TMEM182: variants seen among roughly 807,000 people sequenced by gnomAD.
The protein encoded by TMEM182 is transmembrane protein 182.
In TMEM182, 20 loss-of-function variants were observed where a neutral mutation model predicts 26.8. The ratio of observed to expected loss-of-function variants is 0.75; its 90% confidence interval spans 0.53 to 1.09. The LOEUF is 1.09. Among genes scored for constraint, TMEM182 ranks in the 50% least tolerant of loss-of-function variants. TMEM182 has a pLI of 0.00. For synonymous variants in TMEM182, 109 were observed against 102.2 expected (o/e 1.07, Z -0.40); for missense variants, 277 against 275.5 (o/e 1.01, Z -0.04).
intron 3 of TMEM182, among the ~76,000 whole-genome samples, chr2:102,830,272 C>G (rs1353223834): frequency 6.6e-6 from 1 of 152,218 alleles, no homozygotes. Flanking sequence ...AATTACTATG[C>G]TTTCTCTATG....
At chr2:102,771,599 CTT>C (rs1680677871) in intron 3 of TMEM182, among the ~76,000 whole-genome samples, 1 of 152,178 alleles carries the variant, frequency 6.6e-6, no homozygotes, top group South Asian at 2.1e-4. Flanking sequence ...GAGGCAATCG[CTT>C]TCTGAAAACA....
Position 102,827,095 on chromosome 2 carries a change from G to A in TMEM182, c.326-16317G>A, listed in dbSNP as rs111970569. On this transcript the variant is annotated intron_variant, in intron 3 of 3. Coordinates refer to the TMEM182 transcript ENST00000486293. ...CACAGCACGTAGCATGCTGCCAGCC[G>A]CCACATGGCTATTTGGCAGCTATTT... Among the ~76,000 whole-genome samples, 342 of 152,280 alleles carry A rather than the reference G, an allele frequency of 2.2e-3. 3 individuals are homozygous for A. The highest frequency in any genetic ancestry group is 3.3e-3 in the Non-Finnish European group (225 of 68,028).
intron 1 of TMEM182, among the ~76,000 whole-genome samples, chr2:102,752,972 T>C (rs758757994): frequency 1.6e-4 from 24 of 152,250 alleles, no homozygotes; most frequent in Non-Finnish European, 3.5e-4. Flanking sequence ...TTATTTTAAC[T>C]CTAAACGAAT....
chr2:102,825,783 T>A (rs1683019936), intron 3 of TMEM182, among the ~76,000 whole-genome samples: 1 of 152,188 alleles, frequency 6.6e-6, no homozygotes, highest in Admixed American at 6.5e-5. Context: ...CTTCTCTTAC[T>A]TTGTCTGGTG....
At chr2:102,779,685 T>C (rs1036883717) in intron 3 of TMEM182, among the ~76,000 whole-genome samples, 1 of 151,536 alleles carries the variant, frequency 6.6e-6, no homozygotes, top group African/African-American at 2.5e-5. Flanking sequence ...TCTTCATACT[T>C]TCTATTTTTT....
chr2:102,830,697 T>C (rs1347144187), intron 3 of TMEM182, among the ~76,000 whole-genome samples: 1 of 152,222 alleles, frequency 6.6e-6, no homozygotes, highest in Admixed American at 6.5e-5. Flanking sequence ...GTACAAATAA[T>C]CCAGTTACAC....
At chr2:102,754,785 G>T (rs1679983847) in intron 1 of TMEM182, among the ~76,000 whole-genome samples, 1 of 152,104 alleles carries the variant, frequency 6.6e-6, no homozygotes, top group Admixed American at 6.5e-5. Flanking sequence ...AGAATGTTTT[G>T]CTTATGATCA....
intron 1 of TMEM182, among the ~76,000 whole-genome samples, chr2:102,748,681 G>A (rs779260491): frequency 2.0e-5 from 3 of 152,192 alleles, no homozygotes; most frequent in Non-Finnish European, 2.9e-5. Context: ...AGCATTACAA[G>A]TGTTGTGACC....
intron 1 of TMEM182, among the ~76,000 whole-genome samples, chr2:102,752,153 A>C (rs747953486): frequency 5.9e-5 from 9 of 152,208 alleles, no homozygotes; most frequent in Non-Finnish European, 1.2e-4. Context: ...CCTGCCATAA[A>C]GAGATTCAGA....
At chr2:102,737,206 G>A (rs891054335) in intron 1 of TMEM182, among the ~76,000 whole-genome samples, 1 of 152,206 alleles carries the variant, frequency 6.6e-6, no homozygotes, top group Admixed American at 6.5e-5. Flanking sequence ...GGTTGTGACA[G>A]ACCTAGGATA....
chr2:102,804,933 T>C (rs1237689921), intron 4 of TMEM182, among the ~76,000 whole-genome samples: 1 of 152,198 alleles, frequency 6.6e-6, no homozygotes, highest in Non-Finnish European at 1.5e-5. Context: ...CTTTGTGCCT[T>C]CCATTGTCAC....
chr2:102,813,796 A>G (rs1421791283), intron 4 of TMEM182, among the ~76,000 whole-genome samples: 1 of 152,142 alleles, frequency 6.6e-6, no homozygotes, highest in African/African-American at 2.4e-5. Context: ...TCTAATTCCA[A>G]GAGTGTTTGG....
At chr2:102,812,756 G>A (rs190387799) in intron 4 of TMEM182, among the ~76,000 whole-genome samples, 1 of 152,170 alleles carries the variant, frequency 6.6e-6, no homozygotes, top group African/African-American at 2.4e-5. Context: ...GAAAGCACAA[G>A]AGAGTCACAT....
At chr2:102,795,107 C>A (rs1681813959) in intron 3 of TMEM182, among the ~76,000 whole-genome samples, 3 of 152,062 alleles carry the variant, frequency 2.0e-5, no homozygotes, top group Admixed American at 2.0e-4. Context: ...GGTTTAATTT[C>A]AGATATTGTG....
intron 3 of TMEM182, among the ~76,000 whole-genome samples, chr2:102,790,211 C>T (rs1375980171): frequency 6.6e-6 from 1 of 152,226 alleles, no homozygotes; most frequent in African/African-American, 2.4e-5. Flanking sequence ...AATTAAGTGG[C>T]TTCTGGTTGT....
At chr2:102,840,602 T>G (rs1434932764) in intron 3 of TMEM182, among the ~76,000 whole-genome samples, 1 of 152,038 alleles carries the variant, frequency 6.6e-6, no homozygotes, top group Non-Finnish European at 1.5e-5. Context: ...AGCCAAGGAA[T>G]TAAAACAAAA....
At chr2:102,818,989 T>C (rs141945055), downstream of TMEM182, among the ~76,000 whole-genome samples, 227 of 152,322 alleles carry the variant, frequency 1.5e-3, 1 homozygote, top group Non-Finnish European at 2.6e-3. Context: ...ATTCTGAATA[T>C]TTTGCAGATA....
At chr2:102,800,711 G>C (rs1463333032) in intron 4 of TMEM182, among the ~76,000 whole-genome samples, 1 of 150,630 alleles carries the variant, frequency 6.6e-6, no homozygotes, top group Non-Finnish European at 1.5e-5. Context: ...AATCACCATA[G>C]TTTAGTGATA....
At chr2:102,738,365 T>A (rs1175933314) in intron 1 of TMEM182, among the ~76,000 whole-genome samples, 2 of 152,072 alleles carry the variant, frequency 1.3e-5, no homozygotes, top group Admixed American at 1.3e-4. Context: ...GAAGCCAGGG[T>A]GGGCAGATCA....
Sources: allele counts gnomAD v4.1 joint callset (sites outside exome capture counted in the v4.1 genomes callset), GRCh38; gene constraint gnomAD v4.1.1; transcripts MANE v1.5; gene names NCBI Gene and HGNC (gene_info 2026-07-23, HGNC 2026-07-21).